The following C10orf143 variants were observed in gnomAD, a reference collection of about 807,000 sequenced individuals.
The protein encoded by C10orf143 is chromosome 10 open reading frame 143.
At chr10:130,059,398 C>T (rs187125068), downstream of C10orf143, among the ~76,000 whole-genome samples, 435 of 152,124 alleles carry the variant, frequency 2.9e-3, 1 homozygote, top group African/African-American at 9.7e-3. Context: ...ATTCAATGGC[C>T]TTAATATATA....
chr10:130,063,515 A>G (rs1298547912), downstream of C10orf143, among the ~76,000 whole-genome samples: 1 of 152,160 alleles, frequency 6.6e-6, no homozygotes, highest in African/African-American at 2.4e-5. Flanking sequence ...TGGATCATCC[A>G]TATCCCAGGT....
downstream of C10orf143, among the ~76,000 whole-genome samples, chr10:130,061,312 T>A (rs911411197): frequency 6.6e-6 from 1 of 152,190 alleles, no homozygotes; most frequent in African/African-American, 2.4e-5. Context: ...ATTTTTTTCT[T>A]TAATAAGTAT....
At chr10:130,071,529 A>C (rs1861032756) in intron 3 of C10orf143, among the ~76,000 whole-genome samples, 1 of 152,182 alleles carries the variant, frequency 6.6e-6, no homozygotes, top group African/African-American at 2.4e-5. Flanking sequence ...ACCCATCTTT[A>C]TATTTTGTGC....
chr10:130,091,819 G>A (rs570798987), intron 1 of C10orf143, among the ~76,000 whole-genome samples: 2 of 152,234 alleles, frequency 1.3e-5, no homozygotes, highest in Admixed American at 1.3e-4. Context: ...GGATATCAGA[G>A]ATTGAAGATC....
intron 3 of C10orf143, among the ~76,000 whole-genome samples, chr10:130,041,750 C>G (rs1860609078): frequency 6.6e-6 from 1 of 152,112 alleles, no homozygotes; most frequent in Non-Finnish European, 1.5e-5. Context: ...ATAGGAAACA[C>G]TTTCAGGACA....
At chr10:130,101,784 C>A (rs192828464) in intron 1 of C10orf143, among the ~76,000 whole-genome samples, 1 of 130,966 alleles carries the variant, frequency 7.6e-6, no homozygotes, top group African/African-American at 2.8e-5. Flanking sequence ...CTCTTGAACC[C>A]GGGAGACAGA....
At chr10:130,048,411 C>T (rs542727133) in intron 3 of C10orf143, among the ~76,000 whole-genome samples, 1 of 152,276 alleles carries the variant, frequency 6.6e-6, no homozygotes, top group East Asian at 1.9e-4. Context: ...CATCCCCCTC[C>T]TTAGCCCCAT....
At chr10:130,074,703 A>G in intron 3 of C10orf143, among the ~76,000 whole-genome samples, 1 of 152,176 alleles carries the variant, frequency 6.6e-6, no homozygotes. Flanking sequence ...ATGACCAATA[A>G]TGTACAAATA....
intron 3 of C10orf143, among the ~76,000 whole-genome samples, chr10:130,074,129 C>T (rs1861076311): frequency 6.6e-6 from 1 of 152,218 alleles, no homozygotes; most frequent in Non-Finnish European, 1.5e-5. Context: ...TGCCGGCATG[C>T]TGACTGCAAA....
chr10:130,041,010 C>A (rs1395801307), intron 3 of C10orf143, among the ~76,000 whole-genome samples: 1 of 152,146 alleles, frequency 6.6e-6, no homozygotes, highest in Non-Finnish European at 1.5e-5. Flanking sequence ...GCCACCGGCA[C>A]TCCCAGACCT....
At chr10:130,044,477 A>G (rs180949018) in intron 3 of C10orf143, among the ~76,000 whole-genome samples, 183 of 152,248 alleles carry the variant, frequency 1.2e-3, no homozygotes, top group African/African-American at 4.2e-3. Context: ...TGCTCCAGCC[A>G]GGGCTGCCAG....
intron 3 of C10orf143, among the ~76,000 whole-genome samples, chr10:130,049,949 G>A (rs921485594): frequency 6.6e-6 from 1 of 152,320 alleles, no homozygotes; most frequent in Admixed American, 6.5e-5. Flanking sequence ...AAAATACACC[G>A]ATGGCTGTAA....
intron 3 of C10orf143, among the ~76,000 whole-genome samples, chr10:130,043,768 C>G (rs760728225): frequency 2.0e-5 from 3 of 152,254 alleles, no homozygotes; most frequent in Non-Finnish European, 2.9e-5. Context: ...GGTGCTTATG[C>G]CCTGCCTTGG....
At chr10:130,058,802 C>T (rs548300610) in intron 3 of C10orf143, among the ~76,000 whole-genome samples, 2 of 152,084 alleles carry the variant, frequency 1.3e-5, no homozygotes, top group African/African-American at 4.8e-5. Context: ...CAGACCCCAT[C>T]AACACTTTAT....
intron 3 of C10orf143, among the ~76,000 whole-genome samples, chr10:130,073,792 T>TA (rs929217109): frequency 1.3e-5 from 2 of 152,196 alleles, no homozygotes; most frequent in African/African-American, 4.8e-5. Context: ...AAATAACAGT[T>TA]AAAAATTTTT....
intron 1 of C10orf143, among the ~76,000 whole-genome samples, chr10:130,097,690 C>T (rs955330830): frequency 6.6e-6 from 1 of 152,168 alleles, no homozygotes; most frequent in African/African-American, 2.4e-5. Context: ...ATAAACAGAA[C>T]GTGTTCTATT....
chr10:130,054,892 G>T lies in C10orf143; in HGVS notation c.298-18922C>A, dbSNP rs573784207. Among the ~76,000 whole-genome samples the T allele has an allele frequency of 2.6e-5, 4 of 152,246 alleles. No individual in the cohort carries two copies. The East Asian group carries it at 7.7e-4, about 29-fold the overall frequency. Reference sequence around the variant, plus strand: ...CTATAGACCAATGGAATAGAGTCAAGAAATAAATCCAACCATATATGGTCA... The same window carrying T: ...CTATAGACCAATGGAATAGAGTCAATAAATAAATCCAACCATATATGGTCA... On this transcript the variant is annotated intron_variant and NMD_transcript_variant, in intron 3 of 5. Coordinates refer to the C10orf143 transcript ENST00000643056.
intron 1 of C10orf143, chr10:130,106,287 T>G: frequency 6.3e-7 from 1 of 1,579,910 alleles, no homozygotes; most frequent in Non-Finnish European, 8.7e-7. Context: ...CTTGCTATAA[T>G]GCTTTCTGGA....
chr10:130,110,057 A>G (rs560467175), intron 1 of C10orf143, among the ~76,000 whole-genome samples: 17 of 152,204 alleles, frequency 1.1e-4, no homozygotes, highest in African/African-American at 4.1e-4. Context: ...TCCTTCCTCC[A>G]ACACTGTTTT....
Sources: allele counts gnomAD v4.1 joint callset (sites outside exome capture counted in the v4.1 genomes callset), GRCh38; gene constraint gnomAD v4.1.1; transcripts MANE v1.5; gene names NCBI Gene and HGNC (gene_info 2026-07-23, HGNC 2026-07-21).